Variants in KALRN observed in about 807,000 individuals in gnomAD.
KALRN encodes the protein kalirin.
Under a neutral mutation model 353.7 loss-of-function variants are expected in KALRN, and 70 were observed. The ratio of observed to expected loss-of-function variants is 0.20; its 90% CI spans 0.16 to 0.24. The LOEUF is 0.24. Among genes scored for constraint, KALRN ranks in the 10% least tolerant of loss-of-function variants. KALRN has a pLI of 1.00. For synonymous variants in KALRN, 1,391 were observed against 1,434.8 expected (o/e 0.97, Z 0.69); for missense variants, 2,791 against 3,756.7 (o/e 0.74, Z 6.72).
At chr3:124,600,960 C>T (rs902371329) in intron 34 of KALRN, among the ~76,000 whole-genome samples, 4 of 152,130 alleles carry the variant, frequency 2.6e-5, no homozygotes, top group Admixed American at 1.3e-4. Flanking sequence ...GCCAGTTGGC[C>T]CTCTTGTGCT....
chr3:124,393,122 T>C (rs974769297), intron 11 of KALRN, among the ~76,000 whole-genome samples: 1 of 152,090 alleles, frequency 6.6e-6, no homozygotes, highest in African/African-American at 2.4e-5. Context: ...CCTGCCACCA[T>C]GCCTGGCTAA....
intron 6 of KALRN, among the ~76,000 whole-genome samples, chr3:124,300,334 G>A (rs1008682367): frequency 4.6e-5 from 7 of 152,176 alleles, no homozygotes; most frequent in African/African-American, 1.7e-4. Flanking sequence ...TAAAATGTCA[G>A]TGGTTGAAAA....
intron 33 of KALRN, 29 bp downstream of exon 33, chr3:124,496,442 C>A (rs1375289319): frequency 6.5e-7 from 1 of 1,534,802 alleles, no homozygotes; most frequent in East Asian, 2.3e-5. Flanking sequence ...CTTCCTTCCC[C>A]TGAGACTTCT....
intron 34 of KALRN, among the ~76,000 whole-genome samples, chr3:124,625,902 GAA>G (rs1291986719): frequency 2.6e-5 from 4 of 152,142 alleles, no homozygotes; most frequent in Non-Finnish European, 5.9e-5. Context: ...CCAATGTGGT[GAA>G]ACACCATCTC....
chr3:124,291,649 A>T (rs2076427061), intron 5 of KALRN, among the ~76,000 whole-genome samples: 1 of 152,066 alleles, frequency 6.6e-6, no homozygotes, highest in African/African-American at 2.4e-5. Context: ...GTAAGAAATG[A>T]GTTAGGGGAT....
At chr3:124,073,359 T>C (rs1200963341) in intron 1 of KALRN, among the ~76,000 whole-genome samples, 1 of 152,200 alleles carries the variant, frequency 6.6e-6, no homozygotes, top group African/African-American at 2.4e-5. Context: ...GCCTTTTCCA[T>C]GCAAACTTTA....
intron 34 of KALRN, among the ~76,000 whole-genome samples, chr3:124,592,549 A>G (rs926860730): frequency 2.6e-5 from 4 of 151,660 alleles, no homozygotes; most frequent in African/African-American, 9.7e-5. Context: ...TTTGGCCAAT[A>G]TTTATTGCAC....
intron 37 of KALRN, among the ~76,000 whole-genome samples, chr3:124,643,945 T>C (rs2082397333): frequency 6.6e-6 from 1 of 152,226 alleles, no homozygotes; most frequent in Admixed American, 6.5e-5. Context: ...ATATTTTAAT[T>C]AGTTAAATAA....
At chr3:124,617,193 G>T (rs555613144) in intron 34 of KALRN, among the ~76,000 whole-genome samples, 23 of 152,018 alleles carry the variant, frequency 1.5e-4, no homozygotes, top group Non-Finnish European at 2.8e-4. Context: ...AATTAGCTGG[G>T]CATGGTGGCA....
At chr3:124,054,517 C>A (rs573726146) in intron 1 of KALRN, among the ~76,000 whole-genome samples, 1 of 152,238 alleles carries the variant, frequency 6.6e-6, no homozygotes, top group African/African-American at 2.4e-5. Flanking sequence ...TGACACTTCC[C>A]TGAAGCTATG....
intron 1 of KALRN, among the ~76,000 whole-genome samples, chr3:124,218,869 A>G (rs1414583877): frequency 6.6e-6 from 1 of 152,218 alleles, no homozygotes; most frequent in Non-Finnish European, 1.5e-5. Context: ...ATTATTAGTG[A>G]TCTTTAATGG....
chr3:124,144,254 A>T (rs1254245797), intron 1 of KALRN, among the ~76,000 whole-genome samples: 1 of 152,152 alleles, frequency 6.6e-6, no homozygotes, highest in Non-Finnish European at 1.5e-5. Context: ...AGCTAAAAAT[A>T]GCAGCATCAG....
chr3:124,063,053 C>T (rs965558950), intron 1 of KALRN, among the ~76,000 whole-genome samples: 1 of 152,146 alleles, frequency 6.6e-6, no homozygotes, highest in Non-Finnish European at 1.5e-5. Context: ...TCGATGACTG[C>T]TCAGAGTTAG....
rs2080283842 is a variant in KALRN, at chr3:124,628,329, C to T, written c.5183-4091C>T. Among the ~76,000 whole-genome samples the T allele has an allele frequency of 2.0e-4, 2 of 9,920 alleles. 1 individual carries two copies. The allele number at this position is 9,920 out of a possible 152,430, so 6.5% of individuals were successfully genotyped here. A position where few individuals can be genotyped will look rare whatever the true frequency, so the allele number is the denominator to read the frequency against. On this transcript the variant is annotated intron_variant, in intron 34 of 59. Coordinates refer to ENST00000682506, the MANE Select transcript of KALRN (RefSeq NM_001388419.1). ...CCCTCCCTCCCCCCTCCTTCCTTCC[C>T]TCCCTCCCTCCTTCCTTCCCTCCCT... is the stretch of plus-strand genomic sequence containing the variant.
At chr3:124,417,651 A>T (rs1283914617) in intron 14 of KALRN, among the ~76,000 whole-genome samples, 2 of 152,266 alleles carry the variant, frequency 1.3e-5, no homozygotes, top group Non-Finnish European at 2.9e-5. Context: ...CTCCTTGAGC[A>T]TAAAGGCTAG....
rs766672025 is a variant in KALRN at position 124,679,462 on chromosome 3, C to T, written c.7322C>T (p.Thr2441Met). The change falls in exon 51 of 60, where the codon ACG (threonine) becomes ATG (methionine). Residue 2441 changes from threonine (T) to methionine (M), a missense_variant. Physicochemically the swap from Thr to Met is moderately conservative, Grantham distance 81. Coordinates refer to ENST00000682506, the MANE Select transcript of KALRN (RefSeq NM_001388419.1). ...ILGNKVSVKE[T>M]NSSEESECDD... ...TTCCTCATGCTGCCAATCAAGGAGA[C>T]GAACAGTTCCGAGGAATCAGAGTGT... 1.7e-5 allele frequency: 27 copies of T among 1,613,064 alleles called. No individual in the cohort carries two copies. Among genetic ancestry groups the T allele is most frequent in the East Asian group, 6.7e-5 (3 of 44,880 alleles).
At chr3:124,129,980 G>A (rs958870362) in intron 1 of KALRN, among the ~76,000 whole-genome samples, 3 of 152,208 alleles carry the variant, frequency 2.0e-5, no homozygotes, top group South Asian at 2.1e-4. Flanking sequence ...CTTTATAAAT[G>A]TGTATTGTTT....
chr3:124,614,161 T>A (rs539858528), intron 34 of KALRN, among the ~76,000 whole-genome samples: 5 of 152,328 alleles, frequency 3.3e-5, no homozygotes, highest in Admixed American at 6.5e-5. Context: ...TTAAATAGAA[T>A]GTTAAAGCAT....
At chr3:124,044,746 A>C (rs1336816938) in intron 1 of KALRN, among the ~76,000 whole-genome samples, 6 of 152,150 alleles carry the variant, frequency 3.9e-5, no homozygotes, top group African/African-American at 1.2e-4. Context: ...GACATATTAC[A>C]TGTACGACAT....
Sources: gnomAD v4.1 joint callset for allele counts (sites outside exome capture counted in the v4.1 genomes callset) on GRCh38, gnomAD v4.1.1 for gene constraint, MANE v1.5 for transcripts, NCBI Gene and HGNC (gene_info 2026-07-23, HGNC 2026-07-21) for gene names.